The following SIPA1L3 variants were observed in gnomAD, a reference collection of about 807,000 sequenced individuals.
SIPA1L3 encodes the protein signal-induced proliferation-associated 1-like protein 3.
A neutral mutation model predicts 150.1 loss-of-function variants in SIPA1L3; 59 were observed. The observed-to-expected ratio is 0.39, with a 90% CI of 0.32 to 0.49. SIPA1L3 has a LOEUF of 0.49. Ranked by LOEUF, SIPA1L3 falls within the 20% of genes least tolerant of loss-of-function variation. The pLI, the probability that SIPA1L3 is intolerant of heterozygous loss-of-function variation, is 0.86. For missense variants in SIPA1L3, 2,211 were observed against 2,489.5 expected (o/e 0.89, Z 2.38); for synonymous variants, 1,070 against 1,077.6 (o/e 0.99, Z 0.14).
chr19:38,010,423 A>G (rs1167987558), intron 1 of SIPA1L3, among the ~76,000 whole-genome samples: 3 of 151,718 alleles, frequency 2.0e-5, no homozygotes, highest in Non-Finnish European at 2.9e-5. Flanking sequence ...AAAAAAAAAA[A>G]AAAGGGTCTG....
intron 1 of SIPA1L3, among the ~76,000 whole-genome samples, chr19:37,967,314 G>T: frequency 6.6e-6 from 1 of 150,838 alleles, no homozygotes; most frequent in African/African-American, 2.4e-5. Flanking sequence ...GTGCAGTGGT[G>T]TGATCTCGGT....
At chr19:38,127,997 G>T (rs1490315370) in intron 9 of SIPA1L3, among the ~76,000 whole-genome samples, 9 of 151,110 alleles carry the variant, frequency 6.0e-5, no homozygotes, top group Non-Finnish European at 1.0e-4. Flanking sequence ...TTCACGGATG[G>T]CACCTTCTTG....
chr19:38,071,104 G>C lies in SIPA1L3; in HGVS notation c.-310-10152G>C, dbSNP rs544641671. On this transcript the variant is annotated intron_variant, in intron 2 of 21. Coordinates refer to ENST00000222345, the MANE Select transcript of SIPA1L3 (RefSeq NM_015073.3). ...AAGGGCACACTCGGGCACCAAGCAG[G>C]CCCTGCTTGCCTTGGGTCACAGACC... Among the ~76,000 whole-genome samples, 8 of 152,272 alleles carry C rather than the reference G, an allele frequency of 5.3e-5. No homozygotes were observed. The South Asian group carries it at 1.7e-3, about 32-fold the overall frequency.
chr19:38,162,119 G>A (rs572071172), intron 13 of SIPA1L3, 134 bp from the exon 14 acceptor site: 5 of 713,312 alleles, frequency 7.0e-6, no homozygotes, highest in Non-Finnish European at 1.3e-5. Flanking sequence ...CTCTGTTACT[G>A]AGTGTTGCAC....
At chr19:38,138,144 A>T (rs4803805) in intron 10 of SIPA1L3, among the ~76,000 whole-genome samples, 60,829 of 151,826 alleles carry the variant, frequency 0.4, 12,599 homozygotes, top group East Asian at 0.64. Flanking sequence ...TAAAAAAAAA[A>T]AATAATAAAG....
intron 13 of SIPA1L3, among the ~76,000 whole-genome samples, chr19:38,155,155 T>C (rs1287067702): frequency 1.3e-5 from 2 of 152,248 alleles, no homozygotes; most frequent in African/African-American, 2.4e-5. Flanking sequence ...TTCTAGTTGC[T>C]GCATGCCCTC....
Position 37,940,674 on chromosome 19 carries a change from G to C in SIPA1L3, c.-379+33316G>C, listed in dbSNP as rs139920056. Among the ~76,000 whole-genome samples the C allele has an allele frequency of 7.9e-3, 1,199 of 152,078 alleles. 18 individuals are homozygous for C. The highest frequency in any genetic ancestry group is 0.028 in the African/African-American group (1,153 of 41,480). On this transcript the variant is annotated intron_variant, in intron 1 of 21. Transcript: ENST00000222345. ...CAGCTCACTGCAACCTCCGTCTCCC[G>C]AGTTCAGGCGATTCTCCACCTCAGC...
At chr19:38,102,352 AT>A (rs1303899952) in intron 6 of SIPA1L3, among the ~76,000 whole-genome samples, 1 of 151,576 alleles carries the variant, frequency 6.6e-6, no homozygotes, top group Admixed American at 6.6e-5. Context: ...GCCAATTATT[AT>A]TTTTTATAGA....
intron 15 of SIPA1L3, among the ~76,000 whole-genome samples, chr19:38,174,199 C>T (rs1465741074): frequency 6.6e-6 from 1 of 152,146 alleles, no homozygotes; most frequent in Non-Finnish European, 1.5e-5. Flanking sequence ...TGTTGAATCT[C>T]TTGCCTAGAC....
intron 1 of SIPA1L3, among the ~76,000 whole-genome samples, chr19:37,982,797 G>A (rs1599865752): frequency 6.6e-6 from 1 of 152,184 alleles, no homozygotes; most frequent in Non-Finnish European, 1.5e-5. Flanking sequence ...AGAGGCTGGG[G>A]CTGGACAACC....
At chr19:38,115,114 A>G (rs1372430314) in intron 8 of SIPA1L3, among the ~76,000 whole-genome samples, 1 of 152,142 alleles carries the variant, frequency 6.6e-6, no homozygotes, top group Non-Finnish European at 1.5e-5. Context: ...CAGAGCAGGA[A>G]CCTTTATCCA....
intron 16 of SIPA1L3, chr19:38,183,060 T>C: frequency 3.5e-6 from 1 of 286,532 alleles, no homozygotes; most frequent in Non-Finnish European, 6.5e-6. Context: ...AGGCAGTGAG[T>C]GACACGGTTG....
intron 16 of SIPA1L3, among the ~76,000 whole-genome samples, chr19:38,188,649 G>A (rs980438673): frequency 1.3e-5 from 2 of 151,952 alleles, no homozygotes; most frequent in Non-Finnish European, 2.9e-5. Flanking sequence ...TCGGCCAGGC[G>A]CGGTGGCGCA....
At position 38,163,971 on chromosome 19, in the gene SIPA1L3, G is replaced by GAGGAC. The variant is rs1972149030; in HGVS notation, c.3781-499_3781-495dup. Among the ~76,000 whole-genome samples the GAGGAC allele has an allele frequency of 1.3e-5, 2 of 152,212 alleles. 1 individual carries two copies. Among genetic ancestry groups the GAGGAC allele is most frequent in the South Asian group, 4.1e-4 (2 of 4,838 alleles). On this transcript the variant is annotated intron_variant, in intron 14 of 21. Coordinates refer to ENST00000222345, the MANE Select transcript of SIPA1L3 (RefSeq NM_015073.3). ...GAGGCTGCTGCACTGGCCCCAGGGG[G>GAGGAC]AGGACAGGACAGGCATGGACAGGAC... is the stretch of plus-strand genomic sequence containing the variant.
rs148714545 is a variant in SIPA1L3 at position 38,131,956 on chromosome 19, A to C, written c.3143+1184A>C. 1.2e-4 allele frequency among the ~76,000 whole-genome samples: 19 copies of C among 152,068 alleles called. No homozygotes were observed. In the East Asian group the frequency reaches 3.7e-3, roughly 30 times the overall value. On this transcript the variant is annotated intron_variant, in intron 10 of 21. Transcript: ENST00000222345. ...CAACAGCAATTTCGTAGTGTCAACT[A>C]TCTAGACTGGGTTCACACCTGTAAT...
chr19:37,945,322 C>T (rs946584431), intron 1 of SIPA1L3, among the ~76,000 whole-genome samples: 4 of 151,918 alleles, frequency 2.6e-5, no homozygotes, highest in Non-Finnish European at 5.9e-5. Flanking sequence ...GCAACCTCCA[C>T]CTCCCAGGTT....
At chr19:38,084,349 A>T (rs181344913) in intron 3 of SIPA1L3, among the ~76,000 whole-genome samples, 72 of 152,282 alleles carry the variant, frequency 4.7e-4, no homozygotes, top group Non-Finnish European at 9.4e-4. Context: ...CTGCTCAAGG[A>T]CATTGCCAGG....
intron 1 of SIPA1L3, among the ~76,000 whole-genome samples, chr19:37,909,134 A>G (rs1472468476): frequency 6.6e-6 from 1 of 152,206 alleles, no homozygotes; most frequent in African/African-American, 2.4e-5. Context: ...GTCAACTAGC[A>G]AGAAGGACGA....
intron 17 of SIPA1L3, 60 bp from the exon 18 acceptor site, chr19:38,193,475 CTG>C: frequency 7.1e-7 from 1 of 1,405,244 alleles, no homozygotes; most frequent in East Asian, 2.8e-5. Flanking sequence ...GAAGATGCCT[CTG>C]AGGACCCTGG....
Sources: allele counts gnomAD v4.1 joint callset (sites outside exome capture counted in the v4.1 genomes callset), GRCh38; gene constraint gnomAD v4.1.1; transcripts MANE v1.5; gene names NCBI Gene and HGNC (gene_info 2026-07-23, HGNC 2026-07-21).